IGF1R: variants seen among roughly 807,000 people sequenced by gnomAD.
IGF1R encodes the protein insulin-like growth factor 1 receptor.
IGF1R carries 44 observed loss-of-function variants against 144.6 expected under a neutral mutation model. The observed-to-expected ratio is 0.30, with a 90% confidence interval of 0.24 to 0.39. The LOEUF (loss-of-function observed/expected upper bound fraction) is 0.39. Ranked by LOEUF, IGF1R falls within the 10% of genes least tolerant of loss-of-function variation. The probability of loss-of-function intolerance (pLI) is 1.00; values close to 1 mark genes in which losing one functional copy is unlikely to be tolerated. For synonymous variants in IGF1R, 795 were observed against 722.8 expected, an observed-to-expected ratio of 1.10 and a Z score of -1.60; for missense variants, 1,355 against 1,833.7, an observed-to-expected ratio of 0.74 and a Z score of 4.77.
intron 2 of IGF1R, among the ~76,000 whole-genome samples, chr15:98,824,562 G>C (rs2056857874): frequency 6.6e-6 from 1 of 152,204 alleles, no homozygotes; most frequent in African/African-American, 2.4e-5. Context: ...AGGACACCTT[G>C]GCTTATCTTC....
intron 2 of IGF1R, among the ~76,000 whole-genome samples, chr15:98,726,760 C>T (rs1425759394): frequency 1.4e-5 from 2 of 141,848 alleles, no homozygotes; most frequent in Non-Finnish European, 1.5e-5. Context: ...GCTCTTGTCA[C>T]CCCGGCTGGA....
chr15:98,839,694 TC>T (rs2011142345), intron 2 of IGF1R, among the ~76,000 whole-genome samples: 1 of 152,184 alleles, frequency 6.6e-6, no homozygotes, highest in Non-Finnish European at 1.5e-5. Flanking sequence ...TTCTGCTTTG[TC>T]CCCATTAATG....
At chr15:98,822,562 G>T (rs1175933694) in intron 2 of IGF1R, among the ~76,000 whole-genome samples, 1 of 152,198 alleles carries the variant, frequency 6.6e-6, no homozygotes. Context: ...GAGCCCCTCG[G>T]CTTCTGGTTG....
chr15:98,744,289 G>A (rs1477048086), intron 2 of IGF1R, among the ~76,000 whole-genome samples: 2 of 151,972 alleles, frequency 1.3e-5, no homozygotes, highest in Non-Finnish European at 2.9e-5. Context: ...AGGGAGAGAG[G>A]AGGGTTTTAA....
chr15:98,674,943 T>G (rs963997069), intron 1 of IGF1R, among the ~76,000 whole-genome samples: 1 of 151,686 alleles, frequency 6.6e-6, no homozygotes, highest in Admixed American at 6.6e-5. Context: ...AAAATTAAAA[T>G]TATTCTATAA....
At chr15:98,762,800 C>T (rs980192388) in intron 2 of IGF1R, among the ~76,000 whole-genome samples, 11 of 151,982 alleles carry the variant, frequency 7.2e-5, no homozygotes, top group Admixed American at 2.0e-4. Flanking sequence ...GTAATCCCAG[C>T]ACTTTAGGAG....
chr15:98,739,569 A>G (rs1244662362), intron 2 of IGF1R, among the ~76,000 whole-genome samples: 1 of 151,964 alleles, frequency 6.6e-6, no homozygotes, highest in Non-Finnish European at 1.5e-5. Flanking sequence ...GATGATTATG[A>G]AAGTAGAAAA....
chr15:98,694,838 T>C (rs1391918305), intron 1 of IGF1R, among the ~76,000 whole-genome samples: 1 of 152,174 alleles, frequency 6.6e-6, no homozygotes, highest in East Asian at 1.9e-4. Flanking sequence ...TTCCTGTGGC[T>C]TGCTGGGGAA....
intron 2 of IGF1R, among the ~76,000 whole-genome samples, chr15:98,833,186 A>G (rs2684771): frequency 0.11 from 16,838 of 152,230 alleles, 2,106 homozygotes; most frequent in African/African-American, 0.31. Flanking sequence ...CCAATCAGCC[A>G]AGATTCTTGT....
intron 15 of IGF1R, among the ~76,000 whole-genome samples, chr15:98,931,976 C>T (rs1300036173): frequency 6.6e-6 from 1 of 152,206 alleles, no homozygotes; most frequent in African/African-American, 2.4e-5. Context: ...CCACTTTCTC[C>T]CTCTGTGAGG....
chr15:98,749,387 A>T (rs2054949415), intron 2 of IGF1R, among the ~76,000 whole-genome samples: 2 of 152,118 alleles, frequency 1.3e-5, no homozygotes, highest in South Asian at 4.1e-4. Flanking sequence ...CTGACATTTA[A>T]TCAAGTTTAA....
At chr15:98,691,485 TC>T (rs1160677143) in intron 1 of IGF1R, among the ~76,000 whole-genome samples, 5 of 151,472 alleles carry the variant, frequency 3.3e-5, no homozygotes, top group Admixed American at 6.6e-5. Context: ...TGCTTCAGCC[TC>T]CCGAGTAGCT....
intron 2 of IGF1R, among the ~76,000 whole-genome samples, chr15:98,723,910 C>T (rs567949403): frequency 1.4e-3 from 216 of 152,208 alleles, no homozygotes; most frequent in Non-Finnish European, 2.7e-3. Context: ...TTCTCTCATC[C>T]TACATAGTGT....
chr15:98,712,612 C>CT (rs71149413), intron 2 of IGF1R, among the ~76,000 whole-genome samples: 11 of 143,974 alleles, frequency 7.6e-5, no homozygotes, highest in South Asian at 2.2e-4. Context: ...TCAGTATGCA[C>CT]TTTTTTTTTT....
chr15:98,935,311 C>A lies in IGF1R; in HGVS notation c.3187-5C>A. The A allele has an allele frequency of 1.3e-6, 2 of 1,538,554 alleles. No homozygotes were observed. Among genetic ancestry groups the A allele is most frequent in the South Asian group, 2.4e-5 (2 of 83,768 alleles). On this transcript the variant is annotated splice_region_variant and splice_polypyrimidine_tract_variant and intron_variant, in intron 16 of 20. Coordinates refer to ENST00000650285, the MANE Select transcript of IGF1R (RefSeq NM_000875.5). The surrounding 1 kb of genome is among the most constrained non-coding windows in gnomAD (Gnocchi z 4.2). Reference sequence around the variant, plus strand: ...CTGAGTCTTTCTCTTTTTGATTCCTCCCAGGTGCGATTGCTGGGTGTGGTG... The same window carrying A: ...CTGAGTCTTTCTCTTTTTGATTCCTACCAGGTGCGATTGCTGGGTGTGGTG...
At chr15:98,666,974 G>C (rs974728842) in intron 1 of IGF1R, among the ~76,000 whole-genome samples, 2 of 151,984 alleles carry the variant, frequency 1.3e-5, no homozygotes, top group Non-Finnish European at 2.9e-5. Context: ...GGAATAGTTG[G>C]GGAGACAAAT....
rs1596159756 is a variant in IGF1R, at chr15:98,667,761, C to T, written c.94+18086C>T. ...GAGACCAATGGGAGGAAGCCTGCTG[C>T]GGGCAACTGGTCTGTGCCTGGAAGT... On this transcript the variant is annotated intron_variant, in intron 1 of 20. Transcript: ENST00000650285. 4.6e-5 allele frequency among the ~76,000 whole-genome samples: 7 copies of T among 152,238 alleles called. No individual in the cohort carries two copies. In the South Asian group the frequency reaches 1.0e-3, roughly 23 times the overall value.
At chr15:98,859,466 A>G (rs961140066) in intron 2 of IGF1R, among the ~76,000 whole-genome samples, 3 of 152,224 alleles carry the variant, frequency 2.0e-5, no homozygotes, top group African/African-American at 7.2e-5. Flanking sequence ...TTGGTGTTGC[A>G]TGTTTTTGCC....
At chr15:98,753,360 G>C (rs946868188) in intron 2 of IGF1R, among the ~76,000 whole-genome samples, 5 of 134,772 alleles carry the variant, frequency 3.7e-5, no homozygotes, top group African/African-American at 1.4e-4. Flanking sequence ...GGGACCACAA[G>C]TATGCACCAC....
Sources: gnomAD v4.1 joint callset for allele counts (sites outside exome capture counted in the v4.1 genomes callset) on GRCh38, gnomAD v4.1.1 for gene constraint, Gnocchi (gnomAD v3.1) non-coding constraint, MANE v1.5 for transcripts, NCBI Gene and HGNC (gene_info 2026-07-23, HGNC 2026-07-21) for gene names.